Variants in GHITM observed in about 807,000 individuals in gnomAD.
GHITM encodes growth hormone inducible transmembrane protein, also known as growth hormone-inducible transmembrane protein.
GHITM carries 24 observed loss-of-function variants against 38.7 expected under a neutral mutation model. The ratio of observed to expected loss-of-function variants is 0.62; its 90% CI spans 0.45 to 0.87. The LOEUF (loss-of-function observed/expected upper bound fraction) is 0.87. Ranked by LOEUF, GHITM falls within the 40% of genes least tolerant of loss-of-function variation. The pLI, the probability that GHITM is intolerant of heterozygous loss-of-function variation, is 0.00. For missense variants in GHITM, 420 were observed against 429.8 expected (o/e 0.98, Z 0.20); for synonymous variants, 154 against 147.8 (o/e 1.04, Z -0.30).
At chr10:84,140,519 A>ATC in intron 1 of GHITM, 1 of 152,192 alleles carries the variant, frequency 6.6e-6, no homozygotes, top group Admixed American at 6.5e-5. Context: ...TGTAGTCTGA[A>ATC]CACGGAATCC....
Position 84,142,427 on chromosome 10 carries a change from A to C in GHITM, c.130-228A>C, listed in dbSNP as rs149187038. Reference sequence around the variant, plus strand: ...AATTGAAACTAAGAATAATATAATGAATTACTAACTTCCAAAGGTGGAGCA... The same window carrying C: ...AATTGAAACTAAGAATAATATAATGCATTACTAACTTCCAAAGGTGGAGCA... On this transcript the variant is annotated intron_variant, in intron 2 of 8. Coordinates refer to ENST00000372134, the MANE Select transcript of GHITM (RefSeq NM_014394.3). Among the ~76,000 whole-genome samples, 31 of 152,358 alleles carry C rather than the reference A, an allele frequency of 2.0e-4. No individual in the cohort carries two copies. In the East Asian group the frequency reaches 4.0e-3, roughly 20 times the overall value.
chr10:84,142,990 A>G (rs546147633), intron 3 of GHITM, among the ~76,000 whole-genome samples: 60 of 152,282 alleles, frequency 3.9e-4, no homozygotes, highest in African/African-American at 1.4e-3. Flanking sequence ...AGGATTATTA[A>G]TATGCCATGG....
At chr10:84,149,861 G>A (rs573122397) in intron 6 of GHITM, among the ~76,000 whole-genome samples, 194 bp from the exon 7 acceptor site, 1 of 152,202 alleles carries the variant, frequency 6.6e-6, no homozygotes, top group African/African-American at 2.4e-5. Context: ...TAGTGTTAAT[G>A]TTGTGATATA....
intron 1 of GHITM, among the ~76,000 whole-genome samples, chr10:84,141,246 A>G (rs1056326346): frequency 6.6e-6 from 1 of 152,208 alleles, no homozygotes; most frequent in African/African-American, 2.4e-5. Context: ...TTGTTCCTCC[A>G]TCTTCAGCTG....
chr10:84,146,397 A>G lies in GHITM; in HGVS notation c.483+1381A>G, dbSNP rs181287833. Among the ~76,000 whole-genome samples, 160 of 152,352 alleles carry G rather than the reference A, an allele frequency of 1.1e-3. 1 individual carries two copies. Among genetic ancestry groups the G allele is most frequent in the Middle Eastern group, 3.4e-3 (1 of 294 alleles). The stretch of plus-strand genomic sequence containing the variant: ...TGAAATGAGGGATGATAAGAACCTG[A>G]ACTAGAGCAGAGTGTGATACTGGAG... On this transcript the variant is annotated intron_variant, in intron 5 of 8. Transcript: ENST00000372134.
chr10:84,144,976 C>T lies in GHITM; in HGVS notation c.443C>T (p.Thr148Met), dbSNP rs185114084. ...TALSAIAISR[T>M]PVLMNFMMRG... ...TTGTCTGCCATAGCAATCAGCAGAA[C>T]GCCTGTTCTCATGAACTTCATGATG... The change falls in exon 5 of 9, where the codon ACG becomes ATG. Residue 148 changes from threonine to methionine, a missense_variant. Coordinates refer to ENST00000372134, the MANE Select transcript of GHITM (RefSeq NM_014394.3). The T allele has an allele frequency of 3.2e-5, 51 of 1,612,348 alleles. No homozygotes were observed. The highest frequency in any genetic ancestry group is 1.1e-4 in the East Asian group (5 of 44,828).
At chr10:84,141,331 C>T (rs541419155) in intron 1 of GHITM, 131 bp from the exon 2 acceptor site, 30 of 558,972 alleles carry the variant, frequency 5.4e-5, no homozygotes, top group Admixed American at 2.2e-4. Context: ...TTAAAAAGGT[C>T]GCTTTATTTC....
At chr10:84,141,779 A>G (rs993132732) in intron 2 of GHITM, 150 bp downstream of exon 2, 3 of 715,848 alleles carry the variant, frequency 4.2e-6, no homozygotes, top group African/African-American at 3.5e-5. Context: ...ATTAGTTTGT[A>G]TCATTCTGGT....
chr10:84,151,843 G>A (rs924963542), intron 8 of GHITM, among the ~76,000 whole-genome samples: 1 of 152,102 alleles, frequency 6.6e-6, no homozygotes, highest in Non-Finnish European at 1.5e-5. Context: ...AAAAGTTGCT[G>A]TACTGTAAAG....
chr10:84,152,366 C>T lies in GHITM; in HGVS notation c.*18C>T, dbSNP rs775947722. 2 of 1,421,652 alleles carry T rather than the reference C, an allele frequency of 1.4e-6. No individual in the cohort carries two copies. The highest frequency in any genetic ancestry group is 2.0e-6 in the Non-Finnish European group (2 of 1,008,340). 88.1% of individuals were successfully genotyped at this position (1,421,652 alleles called of 1,614,324 possible). On this transcript the variant is annotated 3_prime_UTR_variant, in exon 9 of 9. Coordinates refer to ENST00000372134, the MANE Select transcript of GHITM (RefSeq NM_014394.3). ...AGAAATGAAGTGACTCAGCTTCTGG[C>T]TTCTCTGCTACATCAAATATCTTGT...
Position 84,152,305 on chromosome 10 carries a change from G to C in GHITM, c.995G>C (p.Arg332Pro). The C allele has an allele frequency of 6.2e-7, 1 of 1,606,754 alleles. No homozygotes were observed. Among genetic ancestry groups the C allele is most frequent in the South Asian group, 1.1e-5 (1 of 90,654 alleles). The change falls in exon 9 of 9, where the codon CGA becomes CCA. Residue 332 changes from arginine (R) to proline (P), a missense_variant. Physicochemically the swap from Arg to Pro is moderately radical, Grantham distance 103. Transcript: ENST00000372134. ...IYMDTLNIFM[R>P]VATMLATGGN... ...ATGGATACATTAAATATATTTATGC[G>C]AGTTGCAACTATGCTGGCAACTGGA...
At chr10:84,140,350 C>T (rs936992281) in intron 1 of GHITM, 1 of 152,214 alleles carries the variant, frequency 6.6e-6, no homozygotes, top group Non-Finnish European at 1.5e-5. Context: ...GCTCGGGTAT[C>T]TTAAAGCAAT....
chr10:84,145,049 C>G (rs765841052), intron 5 of GHITM, 33 bp downstream of exon 5: 5 of 1,549,262 alleles, frequency 3.2e-6, no homozygotes, highest in Non-Finnish European at 4.4e-6. Flanking sequence ...CCTTTTTCAT[C>G]TAAAGATCAA....
chr10:84,147,296 A>C (rs139827971), intron 5 of GHITM, among the ~76,000 whole-genome samples: 1 of 152,192 alleles, frequency 6.6e-6, no homozygotes, highest in Non-Finnish European at 1.5e-5. Flanking sequence ...CTAGATCTCT[A>C]TGTTTGCCTA....
At chr10:84,148,645 A>T in intron 5 of GHITM, 85 bp from the exon 6 acceptor site, 1 of 787,416 alleles carries the variant, frequency 1.3e-6, no homozygotes, top group South Asian at 1.5e-5. Context: ...GTTTATTAGA[A>T]GTAACTAATT....
chr10:84,148,794 A>T lies in GHITM; in HGVS notation c.548A>T (p.Asp183Val). ...AGMLVRSIPY[D>V]QSPGPKHLAW... is the part of the protein sequence containing the mutation. ...ATGCTGGTACGATCAATACCATATG[A>T]CCAGAGCCCAGGCCCAAAGCATCTT... Residue 183 changes from aspartate to valine, a missense_variant, in exon 6 of 9, where the codon GAC becomes GTC. Asp to Val is a radical substitution (Grantham distance 152). Transcript: ENST00000372134. 2 of 1,613,088 alleles carry T rather than the reference A, an allele frequency of 1.2e-6. No homozygotes were observed. The highest frequency in any genetic ancestry group is 1.7e-6 in the Non-Finnish European group (2 of 1,179,072).
intron 5 of GHITM, among the ~76,000 whole-genome samples, chr10:84,145,247 A>G (rs551467102): frequency 6.6e-6 from 1 of 152,224 alleles, no homozygotes; most frequent in Non-Finnish European, 1.5e-5. Context: ...AGCATTTCAC[A>G]TGTTGGGTTT....
At chr10:84,142,249 A>G (rs928497014) in intron 2 of GHITM, among the ~76,000 whole-genome samples, 1 of 152,240 alleles carries the variant, frequency 6.6e-6, no homozygotes, top group Non-Finnish European at 1.5e-5. Flanking sequence ...TCTTGAGTCC[A>G]TATCCCAGAT....
intron 3 of GHITM, among the ~76,000 whole-genome samples, chr10:84,143,514 C>T (rs1841528151): frequency 6.6e-6 from 1 of 152,134 alleles, no homozygotes; most frequent in South Asian, 2.1e-4. Flanking sequence ...AAAACGGGAG[C>T]CTCCTCTCAC....
Sources: allele counts gnomAD v4.1 joint callset (sites outside exome capture counted in the v4.1 genomes callset), GRCh38; gene constraint gnomAD v4.1.1; transcripts MANE v1.5; gene names NCBI Gene and HGNC (gene_info 2026-07-23, HGNC 2026-07-21).